Variants in UBQLN1 observed in about 807,000 individuals in gnomAD.
UBQLN1 encodes ubiquilin 1, also known as ubiquilin-1.
Under a neutral mutation model 65.4 loss-of-function variants are expected in UBQLN1, and 13 were observed. That is an observed-to-expected ratio of 0.20 (90% confidence interval 0.13 to 0.32). The LOEUF is 0.32. UBQLN1 is among the 10% of genes least tolerant of loss of function. The pLI, the probability that UBQLN1 is intolerant of heterozygous loss-of-function variation, is 1.00. For missense variants in UBQLN1, 561 were observed against 724.0 expected (o/e 0.77, Z 2.58); for synonymous variants, 267 against 247.8 (o/e 1.08, Z -0.73).
At chr9:83,692,476 T>C (rs571276839) in intron 1 of UBQLN1, among the ~76,000 whole-genome samples, 1 of 152,336 alleles carries the variant, frequency 6.6e-6, no homozygotes, top group East Asian at 1.9e-4. Context: ...ATTAGCCATC[T>C]TAGAAAATCT....
At chr9:83,665,207 A>T in intron 8 of UBQLN1, 62 bp from the exon 9 acceptor site, 4 of 1,280,412 alleles carry the variant, frequency 3.1e-6, no homozygotes, top group Non-Finnish European at 4.4e-6. Flanking sequence ...TAAATTTTTA[A>T]ATCTTTTCTC....
intron 10 of UBQLN1, among the ~76,000 whole-genome samples, chr9:83,663,668 C>A: frequency 6.6e-6 from 1 of 152,200 alleles, no homozygotes. Flanking sequence ...ACAACCGTAA[C>A]AACGTTTCCT....
Position 83,707,879 on chromosome 9 carries a change from C to T in UBQLN1, c.-200G>A. 1 of 722,450 alleles carries T rather than the reference C, an allele frequency of 1.4e-6. No homozygotes were observed. The highest frequency in any genetic ancestry group is 2.4e-5 in the South Asian group (1 of 41,398). 44.8% of individuals were successfully genotyped at this position (722,450 alleles called of 1,614,324 possible). On this transcript the variant is annotated 5_prime_UTR_variant, in exon 1 of 11. Transcript: ENST00000376395. ...TGCAGGCTCTGGCGCAGGCCCGGGT[C>T]AGGCGCTCGGCAGCCGCCGTGTGTT...
At chr9:83,676,863 T>A (rs17086566) in intron 6 of UBQLN1, among the ~76,000 whole-genome samples, 12,186 of 152,244 alleles carry the variant, frequency 0.08, 1,589 homozygotes, top group African/African-American at 0.28. Context: ...TGGCTAATGA[T>A]CTTGGACCTA....
At chr9:83,697,308 T>C (rs1044336917) in intron 1 of UBQLN1, among the ~76,000 whole-genome samples, 9 of 150,528 alleles carry the variant, frequency 6.0e-5, no homozygotes, top group Non-Finnish European at 1.3e-4. Flanking sequence ...ATTCCAGCAC[T>C]TTGGGAGGCA....
intron 9 of UBQLN1, 134 bp downstream of exon 9, chr9:83,664,896 G>A (rs1831618089): frequency 1.5e-6 from 1 of 650,316 alleles, no homozygotes; most frequent in Non-Finnish European, 2.4e-6. Flanking sequence ...TCATAGCCTA[G>A]GCGAAGGGCG....
rs1831601459 is a variant in UBQLN1, at chr9:83,663,877, G to C, written c.1615C>G (p.Gln539Glu). The C allele has an allele frequency of 1.2e-6, 2 of 1,612,526 alleles. No homozygotes were observed. Among genetic ancestry groups the C allele is most frequent in the Non-Finnish European group, 1.7e-6 (2 of 1,179,448 alleles). ...MLQALAGVNPQLQNPEVRFQQ... is the reference protein window; with the variant it reads ...MLQALAGVNPELQNPEVRFQQ... ...CTTGAATGGAAAAGAACTGATACCT[G>C]AGGATTTACTCCAGCAAGAGCCTGC... The change falls in exon 10 of 11, where the codon CAG becomes GAG. Residue 539 changes from glutamine (Q) to glutamate (E), a missense_variant and splice_region_variant. Gln to Glu is a conservative substitution (Grantham distance 29). Coordinates refer to ENST00000376395, the MANE Select transcript of UBQLN1 (RefSeq NM_013438.5).
Position 83,663,854 on chromosome 9 carries a change from TGAATG to T in UBQLN1, c.1617+16_1617+20del, listed in dbSNP as rs772454061. 6.3e-7 allele frequency: 1 copy of T among 1,590,414 alleles called. No homozygotes were observed. The highest frequency in any genetic ancestry group is 1.2e-5 in the South Asian group (1 of 86,872). The stretch of plus-strand genomic sequence containing the variant: ...TTCCAACATTAAGGAATACAAAACT[TGAATG>T]GAAAAGAACTGATACCTGAGGATTT... On this transcript the variant is annotated intron_variant, in intron 10 of 10. Transcript: ENST00000376395.
intron 1 of UBQLN1, among the ~76,000 whole-genome samples, chr9:83,686,381 T>C (rs1404113008): frequency 6.6e-6 from 1 of 152,032 alleles, no homozygotes; most frequent in African/African-American, 2.4e-5. Context: ...GACAGAGTGA[T>C]ATCCCGCCTC....
At chr9:83,674,546 G>C (rs1831797733) in intron 6 of UBQLN1, among the ~76,000 whole-genome samples, 1 of 152,198 alleles carries the variant, frequency 6.6e-6, no homozygotes, top group Non-Finnish European at 1.5e-5. Context: ...AAGTACTAGT[G>C]ATGACTAATT....
At chr9:83,682,719 A>G (rs1831963730) in intron 3 of UBQLN1, among the ~76,000 whole-genome samples, 1 of 152,220 alleles carries the variant, frequency 6.6e-6, no homozygotes, top group Non-Finnish European at 1.5e-5. Context: ...TCAGGTATAC[A>G]CAAACTACAT....
intron 10 of UBQLN1, among the ~76,000 whole-genome samples, chr9:83,662,261 T>C (rs1414432857): frequency 4.0e-5 from 4 of 99,620 alleles, no homozygotes; most frequent in East Asian, 4.2e-4. Context: ...TGTGTGTATA[T>C]ACATATACAT....
chr9:83,689,427 T>C (rs183267367), intron 1 of UBQLN1, among the ~76,000 whole-genome samples: 52 of 152,232 alleles, frequency 3.4e-4, no homozygotes, highest in Non-Finnish European at 3.7e-4. Flanking sequence ...TTAGTAAAAA[T>C]AGAAAAGCTA....
intron 7 of UBQLN1, chr9:83,668,233 T>C (rs1831674155): frequency 2.0e-6 from 2 of 985,046 alleles, no homozygotes; most frequent in African/African-American, 3.5e-5. Context: ...GCATAAGTTA[T>C]TACTGAGAAT....
chr9:83,680,048 A>G lies in UBQLN1; in HGVS notation c.449-11T>C. 1.3e-6 allele frequency: 2 copies of G among 1,597,082 alleles called. No individual in the cohort carries two copies. The highest frequency in any genetic ancestry group is 1.7e-6 in the Non-Finnish European group (2 of 1,169,778). ...GTCCCCCAAGGCCACCTAAGAGGAT[A>G]AAGGGCAAAAACATACAAATCAAAG... On this transcript the variant is annotated splice_polypyrimidine_tract_variant and intron_variant, in intron 3 of 10. Transcript: ENST00000376395.
In UBQLN1 at chr9:83,661,939, G is replaced by A. The variant is rs1381295145; in HGVS notation, c.1618C>T (p.Leu540=). Residue 540 remains leucine, a splice_region_variant and synonymous_variant, in exon 11 of 11, where the codon CTA becomes TTA. Transcript: ENST00000376395. ...TGAAATCTGACTTCTGGATTCTGTA[G>A]CTATTAAAGAAAAAAAAAATTAATC... The part of the protein sequence containing the change: ...LQALAGVNPQ[L]QNPEVRFQQQ... The A allele has an allele frequency of 6.2e-7, 1 of 1,603,526 alleles. No individual in the cohort carries two copies. The highest frequency in any genetic ancestry group is 2.2e-5 in the East Asian group (1 of 44,786).
At chr9:83,685,213 T>C (rs889541766) in intron 2 of UBQLN1, among the ~76,000 whole-genome samples, 1 of 152,166 alleles carries the variant, frequency 6.6e-6, no homozygotes, top group African/African-American at 2.4e-5. Context: ...CATAAAAACT[T>C]ACAGGAGTGT....
chr9:83,687,003 G>A (rs1360685106), intron 1 of UBQLN1, among the ~76,000 whole-genome samples: 3 of 151,630 alleles, frequency 2.0e-5, no homozygotes, highest in Non-Finnish European at 4.4e-5. Flanking sequence ...TTTGGATAAA[G>A]TATACTTAAT....
At chr9:83,698,227 T>C (rs1255936178) in intron 1 of UBQLN1, among the ~76,000 whole-genome samples, 2 of 152,060 alleles carry the variant, frequency 1.3e-5, no homozygotes, top group East Asian at 3.8e-4. Flanking sequence ...TATTTGAGGG[T>C]AGGGGAAGAG....
Sources: gnomAD v4.1 joint callset for allele counts (sites outside exome capture counted in the v4.1 genomes callset) on GRCh38, gnomAD v4.1.1 for gene constraint, MANE v1.5 for transcripts, NCBI Gene and HGNC (gene_info 2026-07-23, HGNC 2026-07-21) for gene names.